Variants in FRMD5 observed in about 807,000 individuals in gnomAD.
FRMD5 encodes FERM domain-containing protein 5.
A neutral mutation model predicts 69.0 loss-of-function variants in FRMD5; 20 were observed. That is an observed-to-expected ratio of 0.29 (90% CI 0.20 to 0.42). The LOEUF (loss-of-function observed/expected upper bound fraction) is 0.42, where lower values mean the gene tolerates loss of function less well. Ranked by LOEUF, FRMD5 falls within the 10% of genes least tolerant of loss-of-function variation. The pLI, the probability that FRMD5 is intolerant of heterozygous loss-of-function variation, is 1.00. For missense variants in FRMD5, 595 were observed against 708.6 expected (o/e 0.84, Z 1.82); for synonymous variants, 271 against 260.1 (o/e 1.04, Z -0.40).
chr15:44,055,959 C>A (rs1892854727), intron 1 of FRMD5, among the ~76,000 whole-genome samples: 1 of 152,196 alleles, frequency 6.6e-6, no homozygotes, highest in Non-Finnish European at 1.5e-5. Flanking sequence ...TTTCTAACCA[C>A]CATTTTACCT....
intron 4 of FRMD5, among the ~76,000 whole-genome samples, chr15:43,916,167 G>T (rs144851000): frequency 6.6e-6 from 1 of 152,192 alleles, no homozygotes; most frequent in Admixed American, 6.5e-5. Context: ...CATGCAGACC[G>T]AGAGGAGCTC....
At chr15:44,022,232 A>G (rs1357935139) in intron 1 of FRMD5, among the ~76,000 whole-genome samples, 1 of 152,034 alleles carries the variant, frequency 6.6e-6, no homozygotes, top group Non-Finnish European at 1.5e-5. Context: ...AATAGCTAAA[A>G]CTATAAAGTT....
chr15:44,037,467 CTCTT>C (rs908051354), intron 1 of FRMD5, among the ~76,000 whole-genome samples: 6 of 147,362 alleles, frequency 4.1e-5, no homozygotes, highest in Non-Finnish European at 6.0e-5. Context: ...TGTGTCTTTT[CTCTT>C]TTTTTTTTTT....
chr15:44,000,758 T>C (rs1317375768), intron 1 of FRMD5, among the ~76,000 whole-genome samples: 1 of 152,172 alleles, frequency 6.6e-6, no homozygotes, highest in Non-Finnish European at 1.5e-5. Flanking sequence ...CTGTACCCTG[T>C]GGTAGTTCTA....
intron 1 of FRMD5, among the ~76,000 whole-genome samples, chr15:44,020,449 A>T: frequency 6.6e-6 from 1 of 152,232 alleles, no homozygotes; most frequent in Non-Finnish European, 1.5e-5. Context: ...TGAACAAGAC[A>T]GAGTTCCTGC....
In FRMD5 at chr15:43,873,722, TTTC is replaced by T. The variant is rs756218748; in HGVS notation, c.*160_*162del. The T allele has an allele frequency of 3.6e-5, 55 of 1,513,022 alleles. No individual in the cohort carries two copies. In the Admixed American group the frequency reaches 3.9e-4, roughly 11 times the overall value. 93.7% of individuals were successfully genotyped at this position (1,513,022 alleles called of 1,614,324 possible). ...TTTAGACAGGGCATGAGCCTATCCC[TTTC>T]TTCTTCTGGGAAACACCCTCCTAGG... is the stretch of plus-strand genomic sequence containing the variant. On this transcript the variant is annotated 3_prime_UTR_variant, in exon 14 of 14. Transcript: ENST00000417257.
intron 1 of FRMD5, among the ~76,000 whole-genome samples, chr15:44,007,956 T>A (rs189284587): frequency 4.6e-5 from 7 of 152,220 alleles, no homozygotes; most frequent in African/African-American, 1.7e-4. Flanking sequence ...TAATTTTTTT[T>A]AAAGAGATGG....
At chr15:44,100,767 G>C (rs1050048141) in intron 1 of FRMD5, among the ~76,000 whole-genome samples, 2 of 152,162 alleles carry the variant, frequency 1.3e-5, no homozygotes, top group Non-Finnish European at 2.9e-5. Context: ...AGAAGTTGCT[G>C]TATGGAAAGA....
At chr15:44,155,843 C>T (rs1316088968) in intron 1 of FRMD5, among the ~76,000 whole-genome samples, 1 of 152,040 alleles carries the variant, frequency 6.6e-6, no homozygotes, top group Non-Finnish European at 1.5e-5. Flanking sequence ...GATCCGCCCG[C>T]CTCAGCCTTC....
intron 1 of FRMD5, among the ~76,000 whole-genome samples, chr15:44,085,354 C>T (rs1894154977): frequency 6.6e-6 from 1 of 152,048 alleles, no homozygotes; most frequent in African/African-American, 2.4e-5. Context: ...GACCAGATAA[C>T]CTAAAAAGCC....
chr15:44,010,826 A>C (rs1438271887), intron 1 of FRMD5, among the ~76,000 whole-genome samples: 2 of 152,216 alleles, frequency 1.3e-5, no homozygotes, highest in Non-Finnish European at 2.9e-5. Context: ...TATGCTGGGC[A>C]AAAGAGCCCT....
At chr15:44,191,447 A>G (rs899689106) in intron 1 of FRMD5, among the ~76,000 whole-genome samples, 1 of 151,958 alleles carries the variant, frequency 6.6e-6, no homozygotes, top group South Asian at 2.1e-4. Flanking sequence ...TTGGCCAGGC[A>G]TGGTGGTGGG....
intron 13 of FRMD5, 101 bp from the exon 14 acceptor site, chr15:43,874,563 C>G (rs372469859): frequency 7.5e-6 from 6 of 804,226 alleles, no homozygotes; most frequent in South Asian, 6.3e-5. Context: ...TGCACACCCA[C>G]ATGACCAGCA....
At chr15:44,185,097 A>T (rs1009346166) in intron 1 of FRMD5, among the ~76,000 whole-genome samples, 1 of 152,216 alleles carries the variant, frequency 6.6e-6, no homozygotes, top group South Asian at 2.1e-4. Flanking sequence ...GTAAGCAAAG[A>T]AAGTATTAAG....
chr15:44,183,572 T>C (rs1478341024), intron 1 of FRMD5, among the ~76,000 whole-genome samples: 1 of 152,120 alleles, frequency 6.6e-6, no homozygotes, highest in Admixed American at 6.6e-5. Flanking sequence ...CAGTGAGGTG[T>C]TCACTATGAC....
chr15:44,114,572 G>A (rs1314622024), intron 1 of FRMD5, among the ~76,000 whole-genome samples: 1 of 152,090 alleles, frequency 6.6e-6, no homozygotes, highest in African/African-American at 2.4e-5. Context: ...AAGGCACTTT[G>A]CATATTTATC....
At chr15:44,135,039 A>G (rs1335837179) in intron 1 of FRMD5, among the ~76,000 whole-genome samples, 3 of 152,208 alleles carry the variant, frequency 2.0e-5, no homozygotes, top group Non-Finnish European at 4.4e-5. Flanking sequence ...ATTGAGGGAT[A>G]AGCATGAAAG....
intron 1 of FRMD5, among the ~76,000 whole-genome samples, chr15:44,012,932 AATTTTGT>A (rs1890789502): frequency 6.8e-6 from 1 of 147,158 alleles, no homozygotes. Context: ...ATGCCCAGCT[AATTTTGT>A]ATTTTTAGTA....
At position 44,155,791 on chromosome 15, in the gene FRMD5, A is replaced by G. The variant is rs564186540; in HGVS notation, c.102+39162T>C. On this transcript the variant is annotated intron_variant, in intron 1 of 13. Transcript: ENST00000417257. The stretch of plus-strand genomic sequence containing the variant: ...GTATTTTTAATAGAGACGGGATTTC[A>G]CCAACGTTGGCCAGGCTGGTCTTGA... Among the ~76,000 whole-genome samples, 3 of 151,852 alleles carry G rather than the reference A, an allele frequency of 2.0e-5. No individual in the cohort carries two copies. In the East Asian group the frequency reaches 5.9e-4, roughly 30 times the overall value.
Sources: allele counts gnomAD v4.1 joint callset (sites outside exome capture counted in the v4.1 genomes callset), GRCh38; gene constraint gnomAD v4.1.1; transcripts MANE v1.5; gene names NCBI Gene and HGNC (gene_info 2026-07-23, HGNC 2026-07-21).